Variants in FKBP14 observed in about 807,000 individuals in gnomAD.
FKBP14 encodes peptidyl-prolyl cis-trans isomerase FKBP14.
A neutral mutation model predicts 21.6 loss-of-function variants in FKBP14; 20 were observed. The ratio of observed to expected loss-of-function variants is 0.92; its 90% CI spans 0.65 to 1.34. The LOEUF (loss-of-function observed/expected upper bound fraction) is 1.34. Ranked by LOEUF, FKBP14 falls within the 40% of genes most tolerant of loss-of-function variation. The probability of loss-of-function intolerance (pLI) is 0.00; values close to 1 mark genes in which losing one functional copy is unlikely to be tolerated. For missense variants in FKBP14, 253 were observed against 249.0 expected, an observed-to-expected ratio of 1.02 and a Z score of -0.11; for synonymous variants, 79 against 86.7, an observed-to-expected ratio of 0.91 and a Z score of 0.49.
downstream of FKBP14, among the ~76,000 whole-genome samples, chr7:30,007,022 G>A (rs1458826383): frequency 1.3e-5 from 2 of 152,178 alleles, no homozygotes; most frequent in Admixed American, 6.5e-5. Context: ...GCTGTGCCAC[G>A]GCTGATGCCC....
Position 30,014,856 on chromosome 7 carries a change from C to A in FKBP14, c.515G>T (p.Gly172Val), listed in dbSNP as rs112806559. 5 of 1,599,248 alleles carry A rather than the reference C, an allele frequency of 3.1e-6. No individual in the cohort carries two copies. Among genetic ancestry groups the A allele is most frequent in the Non-Finnish European group, 4.3e-6 (5 of 1,176,396 alleles). ...ATGATGACTTTCATTCACCACCGCA[C>A]CATGTTTTTCAAACTCCTTCTTTAA... ...AYLKKEFEKH[G>V]AVVNESHHDA... The change falls in exon 4 of 4, where the codon GGT becomes GTT. Residue 172 changes from glycine to valine, a missense_variant. Coordinates refer to ENST00000222803, the MANE Select transcript of FKBP14 (RefSeq NM_017946.4).
At chr7:30,006,518 A>C (rs185650115), downstream of FKBP14, among the ~76,000 whole-genome samples, 4 of 152,068 alleles carry the variant, frequency 2.6e-5, no homozygotes, top group African/African-American at 9.7e-5. Flanking sequence ...ATATATATAG[A>C]AGAGTAATTT....
intron 2 of FKBP14, among the ~76,000 whole-genome samples, chr7:30,021,660 A>G (rs890285857): frequency 6.6e-6 from 1 of 152,136 alleles, no homozygotes; most frequent in African/African-American, 2.4e-5. Flanking sequence ...TGTTCAAGCA[A>G]TTCTCCTGCC....
chr7:30,009,474 C>A (rs1364036308), downstream of FKBP14, among the ~76,000 whole-genome samples: 1 of 152,002 alleles, frequency 6.6e-6, no homozygotes, highest in Non-Finnish European at 1.5e-5. Flanking sequence ...CTCAAGTGAT[C>A]CCCCCGCCTC....
chr7:30,014,622 T>C lies in FKBP14; in HGVS notation c.*113A>G, dbSNP rs1387845182. On this transcript the variant is annotated 3_prime_UTR_variant, in exon 4 of 4. Transcript: ENST00000222803. ...CTTTAAATAGGAGTCAGAAAAAATA[T>C]ATAAAAATAAAAAACAAAGCAAGAA... The C allele has an allele frequency of 2.1e-5, 15 of 714,958 alleles. 1 individual carries two copies. The highest frequency in any genetic ancestry group is 4.5e-4 in the Middle Eastern group (1 of 2,202). 44.3% of individuals were successfully genotyped at this position (714,958 alleles called of 1,614,324 possible).
chr7:30,020,182 G>C, intron 2 of FKBP14: 1 of 1,091,972 alleles, frequency 9.2e-7, no homozygotes, highest in Middle Eastern at 2.5e-4. Context: ...AAATTCCAAA[G>C]AGAAGACTTA....
At chr7:30,015,094 C>G (rs1310026022) in intron 3 of FKBP14, among the ~76,000 whole-genome samples, 1 of 151,978 alleles carries the variant, frequency 6.6e-6, no homozygotes, top group East Asian at 1.9e-4. Flanking sequence ...TGTTGCTAAA[C>G]TGCTAAAGTG....
intron 1 of FKBP14, among the ~76,000 whole-genome samples, chr7:30,025,912 T>G (rs1339230097): frequency 6.6e-6 from 1 of 152,224 alleles, no homozygotes; most frequent in Non-Finnish European, 1.5e-5. Context: ...GTGAAAAGTT[T>G]TAGGTGAACA....
rs944849875 is a variant in FKBP14, at chr7:30,012,228, C to T, written c.*2507G>A. 2 of 152,190 alleles carry T rather than the reference C, an allele frequency of 1.3e-5. No individual in the cohort carries two copies. The highest frequency in any genetic ancestry group is 4.8e-5 in the African/African-American group (2 of 41,448). The allele number at this position is 152,190 out of a possible 1,614,324, so 9.4% of individuals were successfully genotyped here. A position where few individuals can be genotyped will look rare whatever the true frequency, so the allele number is the denominator to read the frequency against. Reference sequence around the variant, plus strand: ...GGTACAGTGAAACCAAAAAAAAGAGCAGATAACTTAAAAACCATAACTTGT... The same window carrying T: ...GGTACAGTGAAACCAAAAAAAAGAGTAGATAACTTAAAAACCATAACTTGT... On this transcript the variant is annotated 3_prime_UTR_variant, in exon 4 of 4. Transcript: ENST00000222803.
intron 1 of FKBP14, among the ~76,000 whole-genome samples, chr7:30,024,508 C>A (rs1790121031): frequency 6.6e-6 from 1 of 152,204 alleles, no homozygotes; most frequent in African/African-American, 2.4e-5. Flanking sequence ...TCAAGCGATT[C>A]TCCTGCCTCA....
chr7:30,011,090 G>C lies in FKBP14; in HGVS notation c.*3645C>G, dbSNP rs1789711582. ...TCTTGCTCCTCTGTCACCCAGACTA[G>C]AGTGCAGTGGTTCGATCTTGGCTCA... On this transcript the variant is annotated 3_prime_UTR_variant, in exon 4 of 4. Transcript: ENST00000222803. 1 of 151,450 alleles carries C rather than the reference G, an allele frequency of 6.6e-6. No individual in the cohort carries two copies. Among genetic ancestry groups the C allele is most frequent in the Non-Finnish European group, 1.5e-5 (1 of 67,898 alleles). The allele number at this position is 151,450 out of a possible 1,614,324, so 9.4% of individuals were successfully genotyped here.
At chr7:30,020,666 C>G (rs923217967) in intron 2 of FKBP14, among the ~76,000 whole-genome samples, 1 of 152,168 alleles carries the variant, frequency 6.6e-6, no homozygotes, top group Non-Finnish European at 1.5e-5. Flanking sequence ...TGCAATCTGT[C>G]TCTCATTCTC....
intron 1 of FKBP14, among the ~76,000 whole-genome samples, chr7:30,023,299 TA>T (rs1242882817): frequency 6.6e-6 from 1 of 152,030 alleles, no homozygotes; most frequent in Non-Finnish European, 1.5e-5. Context: ...AAGGAGAAAA[TA>T]ATGGAAAAAT....
intron 2 of FKBP14, 95 bp from the exon 3 acceptor site, chr7:30,019,218 A>T (rs933060885): frequency 8.2e-7 from 1 of 1,217,306 alleles, no homozygotes; most frequent in Non-Finnish European, 1.1e-6. Flanking sequence ...TTTTTAACTG[A>T]ATTAAAGAGC....
chr7:30,019,242 T>C (rs941677853), intron 2 of FKBP14, 119 bp from the exon 3 acceptor site: 6 of 915,574 alleles, frequency 6.6e-6, no homozygotes, highest in African/African-American at 5.3e-5. Flanking sequence ...CCTAAGATTG[T>C]CATATATGAT....
At chr7:30,019,678 A>G (rs1476270374) in intron 2 of FKBP14, among the ~76,000 whole-genome samples, 2 of 152,102 alleles carry the variant, frequency 1.3e-5, no homozygotes, top group Non-Finnish European at 2.9e-5. Context: ...TTCCTCATCT[A>G]TAAAATGCAG....
chr7:30,022,712 C>G lies in FKBP14; in HGVS notation c.302G>C (p.Arg101Thr), dbSNP rs748403165. ...CAGAGCAGGAGGAATGATGAGCTTT[C>G]TCTTCTCTCCTACACACATTCCTTT... is the stretch of plus-strand genomic sequence containing the variant. ...GLKGMCVGEK[R>T]KLIIPPALGY... The change falls in exon 2 of 4, where the codon AGA (arginine) becomes ACA (threonine). Residue 101 changes from arginine (R) to threonine (T), a missense_variant. Arg to Thr is a moderately conservative substitution (Grantham distance 71). Coordinates refer to ENST00000222803, the MANE Select transcript of FKBP14 (RefSeq NM_017946.4). The G allele has an allele frequency of 6.2e-7, 1 of 1,614,124 alleles. No individual in the cohort carries two copies. Among genetic ancestry groups the G allele is most frequent in the Admixed American group, 1.7e-5 (1 of 60,014 alleles).
rs1354111069 is a variant in FKBP14 at position 30,011,779 on chromosome 7, C to T, written c.*2956G>A. 6.6e-6 allele frequency: 1 copy of T among 151,676 alleles called. No individual in the cohort carries two copies. The highest frequency in any genetic ancestry group is 2.4e-5 in the African/African-American group (1 of 41,248). 9.4% of individuals were successfully genotyped at this position (151,676 alleles called of 1,614,324 possible). On this transcript the variant is annotated 3_prime_UTR_variant, in exon 4 of 4. Coordinates refer to ENST00000222803, the MANE Select transcript of FKBP14 (RefSeq NM_017946.4). ...CCATGTTGCCCAGGCTGGTCTTGAGCTTCTGGGCTCAAGCAATCCACCTGC... is the reference window on the plus strand; with the variant it reads ...CCATGTTGCCCAGGCTGGTCTTGAGTTTCTGGGCTCAAGCAATCCACCTGC...
intron 3 of FKBP14, 134 bp downstream of exon 3, chr7:30,018,862 A>T: frequency 1.1e-6 from 1 of 870,072 alleles, no homozygotes; most frequent in Non-Finnish European, 1.7e-6. Context: ...CTTATAAATA[A>T]ATGTTACCTA....
Sources: gnomAD v4.1 joint callset for allele counts (sites outside exome capture counted in the v4.1 genomes callset) on GRCh38, gnomAD v4.1.1 for gene constraint, MANE v1.5 for transcripts, NCBI Gene and HGNC (gene_info 2026-07-23, HGNC 2026-07-21) for gene names.